SHTN1: variants seen among roughly 807,000 people sequenced by gnomAD.
The protein encoded by SHTN1 is shootin-1.
A neutral mutation model predicts 83.1 loss-of-function variants in SHTN1; 42 were observed. The observed-to-expected ratio is 0.51, with a 90% confidence interval of 0.39 to 0.65. The LOEUF is 0.65. Ranked by LOEUF, SHTN1 falls within the 30% of genes least tolerant of loss-of-function variation. The pLI is 0.00. For synonymous variants in SHTN1, 224 were observed against 247.7 expected (o/e 0.90, Z 0.90); for missense variants, 622 against 737.8 (o/e 0.84, Z 1.82).
At chr10:117,061,105 TCTA>T (rs1414349732) in intron 1 of SHTN1, among the ~76,000 whole-genome samples, 3 of 151,872 alleles carry the variant, frequency 2.0e-5, no homozygotes, top group Non-Finnish European at 4.4e-5. Context: ...TTAAGACAAG[TCTA>T]CTGTTACTAT....
intron 7 of SHTN1, among the ~76,000 whole-genome samples, chr10:116,946,462 T>C (rs2133409368): frequency 6.9e-6 from 1 of 145,406 alleles, no homozygotes; most frequent in African/African-American, 2.5e-5. Context: ...TATATGTATA[T>C]ACATATGTAT....
intron 1 of SHTN1, among the ~76,000 whole-genome samples, chr10:117,092,758 A>G (rs567088434): frequency 2.6e-5 from 4 of 152,320 alleles, no homozygotes; most frequent in African/African-American, 9.6e-5. Context: ...TCACATTGTT[A>G]CTGTCTTTAG....
At position 117,083,301 on chromosome 10, in the gene SHTN1, G is replaced by A. The variant is rs965855094; in HGVS notation, c.-188-34791C>T. Among the ~76,000 whole-genome samples the A allele has an allele frequency of 3.3e-3, 480 of 146,774 alleles. 3 individuals are homozygous for A. Among genetic ancestry groups the A allele is most frequent in the African/African-American group, 0.011 (460 of 40,544 alleles). ...ATTTCTCCTTCACTTATGAAGCTTA[G>A]TTTGGCTGGACATGAAATTCTGGGT... On this transcript the variant is annotated intron_variant, in intron 1 of 17. Transcript: ENST00000392901.
chr10:117,047,973 G>C (rs1409071822), intron 2 of SHTN1, among the ~76,000 whole-genome samples: 1 of 151,510 alleles, frequency 6.6e-6, no homozygotes, highest in Admixed American at 6.6e-5. Context: ...AAACCAAAGA[G>C]AGTTTCCTTC....
chr10:116,907,141 G>A (rs553952972), intron 14 of SHTN1, among the ~76,000 whole-genome samples: 1 of 152,146 alleles, frequency 6.6e-6, no homozygotes, highest in Admixed American at 6.5e-5. Flanking sequence ...GCAGCCACAA[G>A]CTACTAAACT....
Position 116,944,901 on chromosome 10 carries a change from T to A in SHTN1, c.711+23A>T, listed in dbSNP as rs564219872. On this transcript the variant is annotated intron_variant, in intron 8 of 16. Coordinates refer to ENST00000355371, the MANE Select transcript of SHTN1 (RefSeq NM_001127211.3). ...CGAGACTCTGTCTCAAGAAAAAAAA[T>A]AAGATTTTTACAAGATACCCACCTC... is the stretch of plus-strand genomic sequence containing the variant. 54 of 1,502,664 alleles carry A rather than the reference T, an allele frequency of 3.6e-5. No homozygotes were observed. In the Middle Eastern group the frequency reaches 5.1e-4, roughly 14 times the overall value. 93.1% of individuals were successfully genotyped at this position (1,502,664 alleles called of 1,614,324 possible).
chr10:116,994,596 T>A (rs1183149631), intron 1 of SHTN1, among the ~76,000 whole-genome samples: 5 of 152,224 alleles, frequency 3.3e-5, no homozygotes, highest in South Asian at 2.1e-4. Context: ...CTTTATTGGG[T>A]CTTTGATTAC....
chr10:117,044,734 G>A (rs1018306727), intron 2 of SHTN1, among the ~76,000 whole-genome samples: 8 of 152,086 alleles, frequency 5.3e-5, no homozygotes, highest in African/African-American at 1.9e-4. Context: ...GAGAATAGAT[G>A]TTAAACACCT....
chr10:117,102,909 T>C (rs10510026), intron 1 of SHTN1, among the ~76,000 whole-genome samples: 29,848 of 152,026 alleles, frequency 0.2, 3,217 homozygotes, highest in East Asian at 0.43. Context: ...GTCATTTCTA[T>C]TATCTGATTA....
At chr10:117,102,015 AAAGAAGAAG>A (rs540637238) in intron 1 of SHTN1, among the ~76,000 whole-genome samples, 4 of 151,804 alleles carry the variant, frequency 2.6e-5, no homozygotes, top group African/African-American at 7.3e-5. Flanking sequence ...AGAAAAAAAA[AAAGAAGAAG>A]AAGAAGAAGA....
At chr10:117,020,564 GGGA>G (rs1166869427) in intron 2 of SHTN1, among the ~76,000 whole-genome samples, 1 of 150,236 alleles carries the variant, frequency 6.7e-6, no homozygotes, top group Non-Finnish European at 1.5e-5. Context: ...TAAAATAATG[GGGA>G]GAAGAAAGTC....
At chr10:117,051,923 G>C (rs1852746632) in intron 1 of SHTN1, among the ~76,000 whole-genome samples, 1 of 142,878 alleles carries the variant, frequency 7.0e-6, no homozygotes, top group African/African-American at 2.6e-5. Context: ...AGAATAATTA[G>C]GCAAGGAAAA....
chr10:116,892,138 T>A (rs1847358909), intron 16 of SHTN1, among the ~76,000 whole-genome samples: 1 of 152,216 alleles, frequency 6.6e-6, no homozygotes, highest in African/African-American at 2.4e-5. Flanking sequence ...GCTGAGTGAC[T>A]GCAGCACAGG....
chr10:117,053,024 A>AAAAAAAAG lies in SHTN1; in HGVS notation c.-188-4515_-188-4514insCTTTTTTT, dbSNP rs1554934278. Reference sequence around the variant, plus strand: ...AACAGAGCAAGACTGTGTCTCAAAAAAAAAAAGAATTAAGAATTAAGTTGG... The same window carrying AAAAAAAAG: ...AACAGAGCAAGACTGTGTCTCAAAAAAAAAAAAGAAAAAAGAATTAAGAATTAAGTTGG... On this transcript the variant is annotated intron_variant, in intron 1 of 17. Coordinates refer to the SHTN1 transcript ENST00000392901. Among the ~76,000 whole-genome samples the AAAAAAAAG allele has an allele frequency of 7.8e-5, 4 of 51,368 alleles. 1 individual carries two copies. Among genetic ancestry groups the AAAAAAAAG allele is most frequent in the Non-Finnish European group, 1.7e-4 (3 of 17,614 alleles). The allele number at this position is 51,368 out of a possible 152,430, so 33.7% of individuals were successfully genotyped here.
chr10:117,044,795 A>G (rs574286907), intron 2 of SHTN1, among the ~76,000 whole-genome samples: 1 of 152,168 alleles, frequency 6.6e-6, no homozygotes, highest in Non-Finnish European at 1.5e-5. Context: ...ATGCCTAACA[A>G]TGAGAGACGA....
chr10:116,976,276 T>C (rs919909665), intron 2 of SHTN1, among the ~76,000 whole-genome samples: 10 of 152,200 alleles, frequency 6.6e-5, no homozygotes, highest in Admixed American at 5.2e-4. Context: ...AAGAGCACCA[T>C]GTCAGACCAC....
intron 14 of SHTN1, among the ~76,000 whole-genome samples, chr10:116,909,254 T>C (rs996308847): frequency 6.6e-5 from 10 of 152,152 alleles, no homozygotes; most frequent in Non-Finnish European, 1.3e-4. Flanking sequence ...CTGTGGTCAT[T>C]TAACAACCTT....
chr10:116,987,120 T>C (rs1197530495), intron 1 of SHTN1, among the ~76,000 whole-genome samples: 2 of 152,104 alleles, frequency 1.3e-5, no homozygotes, highest in Admixed American at 6.5e-5. Context: ...AGAAACTATC[T>C]TACCAGAGCC....
intron 13 of SHTN1, 61 bp downstream of exon 13, chr10:116,915,314 A>T: frequency 2.1e-6 from 2 of 936,894 alleles, no homozygotes; most frequent in Non-Finnish European, 3.4e-6. Context: ...TCAAATTTCA[A>T]ATTTATACAT....
Sources: gnomAD v4.1 joint callset for allele counts (sites outside exome capture counted in the v4.1 genomes callset) on GRCh38, gnomAD v4.1.1 for gene constraint, MANE v1.5 for transcripts, NCBI Gene and HGNC (gene_info 2026-07-23, HGNC 2026-07-21) for gene names.